Variants in SCHIP1 observed in about 807,000 individuals in gnomAD.
The protein encoded by SCHIP1 is schwannomin-interacting protein 1.
In SCHIP1, 8 loss-of-function variants were observed where a neutral mutation model predicts 29.7. That is an observed-to-expected ratio of 0.27 (90% confidence interval 0.16 to 0.49). The LOEUF is 0.49. Ranked by LOEUF, SCHIP1 falls within the 20% of genes least tolerant of loss-of-function variation. The probability of loss-of-function intolerance (pLI) is 0.99; values close to 1 mark genes in which losing one functional copy is unlikely to be tolerated. For missense variants in SCHIP1, 193 were observed against 294.6 expected (o/e 0.66, Z 2.52); for synonymous variants, 76 against 94.9 (o/e 0.80, Z 1.16).
At chr3:159,300,734 A>G in the SCHIP1 span, among the ~76,000 whole-genome samples, 491 of 152,232 alleles carry the variant, frequency 3.2e-3, 6 homozygotes, top group African/African-American at 0.01. Flanking sequence ...ATAATGCCCT[A>G]TGGTTCCCTT....
the SCHIP1 span, among the ~76,000 whole-genome samples, chr3:159,807,706 CT>C: frequency 6.6e-6 from 1 of 152,080 alleles, no homozygotes. Flanking sequence ...AGCTGGACAG[CT>C]GTTTAATTTT....
the SCHIP1 span, among the ~76,000 whole-genome samples, chr3:159,708,064 T>A: frequency 6.6e-6 from 1 of 152,188 alleles, no homozygotes; most frequent in Non-Finnish European, 1.5e-5. Context: ...AAAGCCAGTG[T>A]CTTTGATGAC....
At chr3:159,393,089 C>A in the SCHIP1 span, among the ~76,000 whole-genome samples, 1 of 152,130 alleles carries the variant, frequency 6.6e-6, no homozygotes, top group African/African-American at 2.4e-5. Context: ...TTTCATGTGT[C>A]TTTTGGCTGC....
At chr3:159,415,173 A>G in the SCHIP1 span, among the ~76,000 whole-genome samples, 1 of 151,920 alleles carries the variant, frequency 6.6e-6, no homozygotes, top group African/African-American at 2.4e-5. Context: ...TTCAGAAGCT[A>G]AATTATATAT....
chr3:159,293,415 C>T, the SCHIP1 span, among the ~76,000 whole-genome samples: 1 of 152,150 alleles, frequency 6.6e-6, no homozygotes, highest in Non-Finnish European at 1.5e-5. Flanking sequence ...ACCAAGTTTG[C>T]TCCATTCATT....
the SCHIP1 span, among the ~76,000 whole-genome samples, chr3:159,585,364 C>T: frequency 0.021 from 3,236 of 152,242 alleles, 107 homozygotes; most frequent in African/African-American, 0.074. Context: ...CCAGAGACAA[C>T]TTGGTAATTT....
At chr3:159,531,573 G>A in the SCHIP1 span, among the ~76,000 whole-genome samples, 1 of 152,122 alleles carries the variant, frequency 6.6e-6, no homozygotes, top group African/African-American at 2.4e-5. Flanking sequence ...AAACTGATGG[G>A]CCAGTGACTA....
the SCHIP1 span, among the ~76,000 whole-genome samples, chr3:159,285,496 C>G: frequency 6.6e-6 from 1 of 152,090 alleles, no homozygotes; most frequent in Non-Finnish European, 1.5e-5. Context: ...TTTCACTAAT[C>G]AAGAGCTCAT....
the SCHIP1 span, among the ~76,000 whole-genome samples, chr3:159,771,707 TA>T: frequency 2.9e-5 from 4 of 137,482 alleles, no homozygotes; most frequent in African/African-American, 5.6e-5. Flanking sequence ...TTTTTTTTTT[TA>T]AATTAGGTTG....
the SCHIP1 span, among the ~76,000 whole-genome samples, chr3:159,543,875 A>G: frequency 2.6e-5 from 4 of 152,168 alleles, no homozygotes; most frequent in Admixed American, 2.0e-4. Flanking sequence ...CCTCTCCAGC[A>G]CCTGTTGTTT....
chr3:159,276,316 G>A, the SCHIP1 span, among the ~76,000 whole-genome samples: 1,467 of 152,222 alleles, frequency 9.6e-3, 15 homozygotes, highest in African/African-American at 0.014. Context: ...CTTCTTAGAG[G>A]GACATAGGGA....
chr3:159,548,597 A>C, the SCHIP1 span, among the ~76,000 whole-genome samples: 1 of 151,648 alleles, frequency 6.6e-6, no homozygotes, highest in Non-Finnish European at 1.5e-5. Flanking sequence ...GTTTATATTT[A>C]ATTTTTTTCT....
chr3:159,744,034 G>T, the SCHIP1 span, among the ~76,000 whole-genome samples: 321 of 152,216 alleles, frequency 2.1e-3, 1 homozygote, highest in African/African-American at 7.2e-3. Flanking sequence ...ATGAGGAAAA[G>T]CAAGGAATTA....
chr3:159,308,473 G>A, the SCHIP1 span, among the ~76,000 whole-genome samples: 3 of 152,046 alleles, frequency 2.0e-5, no homozygotes, highest in Non-Finnish European at 4.4e-5. Flanking sequence ...AAAACACAAA[G>A]AGATACCATA....
chr3:159,680,846 G>T, the SCHIP1 span, among the ~76,000 whole-genome samples: 76 of 145,274 alleles, frequency 5.2e-4, no homozygotes, highest in African/African-American at 1.7e-3. Flanking sequence ...GATCCGTGAG[G>T]AATAGTATGC....
chr3:159,433,533 A>G, the SCHIP1 span, among the ~76,000 whole-genome samples: 2 of 152,326 alleles, frequency 1.3e-5, no homozygotes, highest in South Asian at 4.1e-4. Context: ...GGAAATACCT[A>G]GAAAACAATG....
chr3:159,830,287 T>C, the SCHIP1 span, among the ~76,000 whole-genome samples: 3 of 152,220 alleles, frequency 2.0e-5, no homozygotes, highest in Admixed American at 1.3e-4. Context: ...CACATGAATA[T>C]AGATTTGAAC....
chr3:159,643,334 T>G, the SCHIP1 span, among the ~76,000 whole-genome samples: 1 of 152,060 alleles, frequency 6.6e-6, no homozygotes, highest in Non-Finnish European at 1.5e-5. Flanking sequence ...CTTTGCAATT[T>G]CTAAAACTGG....
the SCHIP1 span, among the ~76,000 whole-genome samples, chr3:159,505,569 C>A: frequency 6.6e-6 from 1 of 152,090 alleles, no homozygotes; most frequent in African/African-American, 2.4e-5. Context: ...GTGTGCTGCA[C>A]CCATTAACTC....
Sources: gnomAD v4.1 joint callset for allele counts (sites outside exome capture counted in the v4.1 genomes callset) on GRCh38, gnomAD v4.1.1 for gene constraint, MANE v1.5 for transcripts, NCBI Gene and HGNC (gene_info 2026-07-23, HGNC 2026-07-21) for gene names.